Variants in ABHD2 observed in about 807,000 individuals in gnomAD.
ABHD2 encodes monoacylglycerol lipase ABHD2.
A neutral mutation model predicts 48.1 loss-of-function variants in ABHD2; 20 were observed. That is an observed-to-expected ratio of 0.42 (90% CI 0.29 to 0.60). ABHD2 has a LOEUF of 0.60. Among genes scored for constraint, ABHD2 ranks in the 20% least tolerant of loss-of-function variants. The pLI is 0.24. For missense variants in ABHD2, 405 were observed against 550.9 expected (o/e 0.74, Z 2.65); for synonymous variants, 209 against 214.2 (o/e 0.98, Z 0.21).
chr15:89,068,461 G>A, the ABHD2 span, among the ~76,000 whole-genome samples: 1 of 152,126 alleles, frequency 6.6e-6, no homozygotes, highest in Non-Finnish European at 1.5e-5. Flanking sequence ...TCATCCGGAG[G>A]CGTCTTCACC....
chr15:89,080,811 C>T, the ABHD2 span, among the ~76,000 whole-genome samples: 2 of 151,758 alleles, frequency 1.3e-5, no homozygotes, highest in African/African-American at 2.4e-5. Context: ...TCTCCTGCCT[C>T]AGCCTCCCAA....
In ABHD2 at chr15:89,188,148, C is replaced by A; in HGVS notation, c.816-45C>A. 6.4e-7 allele frequency: 1 copy of A among 1,558,422 alleles called. No individual in the cohort carries two copies. The highest frequency in any genetic ancestry group is 1.1e-5 in the South Asian group (1 of 89,612). On this transcript the variant is annotated intron_variant, in intron 7 of 10. Coordinates refer to ENST00000352732, the MANE Select transcript of ABHD2 (RefSeq NM_152924.5). This position sits in a 1 kb window ranked among gnomAD's most constrained non-coding sequence, Gnocchi z 4.1. ...GGAAGCAGGCTATGCCATGGTTGTT[C>A]ATCCTCCACATCTTAATCTCTGTTT... is the stretch of plus-strand genomic sequence containing the variant.
chr15:89,135,697 A>G, intron 3 of ABHD2: 1 of 1,455,692 alleles, frequency 6.9e-7, no homozygotes, highest in Non-Finnish European at 9.5e-7. Flanking sequence ...ATGCAGCAAT[A>G]TCCTTTTCTT....
At chr15:89,108,007 ATTTG>A (rs1452195359) in intron 1 of ABHD2, among the ~76,000 whole-genome samples, 1 of 152,178 alleles carries the variant, frequency 6.6e-6, no homozygotes, top group East Asian at 1.9e-4. Context: ...ACAGAATGCA[ATTTG>A]TATTATGTTA....
the ABHD2 span, among the ~76,000 whole-genome samples, chr15:89,054,413 G>T: frequency 2.8e-4 from 43 of 152,218 alleles, no homozygotes; most frequent in African/African-American, 7.7e-4. Context: ...AGGTGCAGTG[G>T]CTCACGCCTG....
At chr15:89,158,257 G>A (rs1443702278) in intron 5 of ABHD2, among the ~76,000 whole-genome samples, 2 of 152,298 alleles carry the variant, frequency 1.3e-5, no homozygotes, top group East Asian at 3.9e-4. Flanking sequence ...AAGTGATTTG[G>A]GCAAGGGCAC....
chr15:89,179,923 A>G lies in ABHD2; in HGVS notation c.722+3928A>G, dbSNP rs900506566. Among the ~76,000 whole-genome samples, 1 of 152,216 alleles carries G rather than the reference A, an allele frequency of 6.6e-6. No homozygotes were observed. The highest frequency in any genetic ancestry group is 2.4e-5 in the African/African-American group (1 of 41,458). ...CTGCCATGGGGAAGAGGCAGGTACC[A>G]CTTTTCCTGCCAAATGGTGGGGATA... On this transcript the variant is annotated intron_variant, in intron 6 of 10. Coordinates refer to ENST00000352732, the MANE Select transcript of ABHD2 (RefSeq NM_152924.5). This position sits in a 1 kb window ranked among gnomAD's most constrained non-coding sequence, Gnocchi z 4.3.
chr15:89,107,896 T>C (rs1348328103), intron 1 of ABHD2, among the ~76,000 whole-genome samples: 2 of 152,218 alleles, frequency 1.3e-5, no homozygotes, highest in Non-Finnish European at 2.9e-5. Context: ...GTCTGTGTCC[T>C]CTGAGCTCTC....
chr15:89,148,493 T>C (rs1290510673), intron 3 of ABHD2, among the ~76,000 whole-genome samples: 2 of 152,248 alleles, frequency 1.3e-5, no homozygotes, highest in African/African-American at 4.8e-5. Context: ...TCCTTCGTTA[T>C]TGGTGGGAAT....
chr15:89,175,422 T>C lies in ABHD2; in HGVS notation c.539-390T>C, dbSNP rs2050996767. On this transcript the variant is annotated intron_variant, in intron 5 of 10. Transcript: ENST00000352732. The surrounding 1 kb of genome is among the most constrained non-coding windows in gnomAD (Gnocchi z 5.7). ...TCTCACCATTTTGTCCAGGCTGGCC[T>C]AGCTTTTATTTAGGTCTGTGTGTGA... Among the ~76,000 whole-genome samples the C allele has an allele frequency of 6.6e-6, 1 of 152,202 alleles. No homozygotes were observed. The highest frequency in any genetic ancestry group is 2.4e-5 in the African/African-American group (1 of 41,448).
rs1388834687 is a variant in ABHD2, at chr15:89,168,836, G to A, written c.539-6976G>A. The stretch of plus-strand genomic sequence containing the variant: ...CCTGTAATCTCAGCACTTTGGGAAA[G>A]GAAGCCAAGGTGGGCAGACCTCTTG... On this transcript the variant is annotated intron_variant, in intron 5 of 10. Transcript: ENST00000352732. The surrounding 1 kb of genome is among the most constrained non-coding windows in gnomAD (Gnocchi z 4.8). Among the ~76,000 whole-genome samples, 1 of 152,152 alleles carries A rather than the reference G, an allele frequency of 6.6e-6. No homozygotes were observed. The highest frequency in any genetic ancestry group is 1.5e-5 in the Non-Finnish European group (1 of 68,030).
At position 89,201,812 on chromosome 15, in the gene ABHD2, A is replaced by C. The variant is rs1162483459; in HGVS notation, c.*6389A>C. The C allele has an allele frequency of 9.1e-6, 12 of 1,325,632 alleles. No homozygotes were observed. The East Asian group carries it at 2.3e-4, about 25-fold the overall frequency. The allele number at this position is 1,325,632 out of a possible 1,614,324, so 82.1% of individuals were successfully genotyped here. A position where few individuals can be genotyped will look rare whatever the true frequency, so the allele number is the denominator to read the frequency against. On this transcript the variant is annotated 3_prime_UTR_variant, in exon 11 of 11. Coordinates refer to ENST00000352732, the MANE Select transcript of ABHD2 (RefSeq NM_152924.5). ...CGGAGGCAGACGCCATTGGAGAGAC[A>C]GCGCAGAGCAGGGGGCGGCTTGCTC... is the stretch of plus-strand genomic sequence containing the variant.
In ABHD2 at chr15:89,188,528, T is replaced by C. The variant is rs968373647; in HGVS notation, c.926+225T>C. Among the ~76,000 whole-genome samples the C allele has an allele frequency of 2.0e-5, 3 of 152,268 alleles. No homozygotes were observed. Among genetic ancestry groups the C allele is most frequent in the Non-Finnish European group, 2.9e-5 (2 of 68,046 alleles). On this transcript the variant is annotated intron_variant, in intron 8 of 10. Coordinates refer to ENST00000352732, the MANE Select transcript of ABHD2 (RefSeq NM_152924.5). This position sits in a 1 kb window ranked among gnomAD's most constrained non-coding sequence, Gnocchi z 4.1. Reference sequence around the variant, plus strand: ...AGGAAAAGGATCCGACCACTCATTCTGCATTCCTACAAAGCATAGTTAGCT... The same window carrying C: ...AGGAAAAGGATCCGACCACTCATTCCGCATTCCTACAAAGCATAGTTAGCT...
At position 89,114,640 on chromosome 15, in the gene ABHD2, G is replaced by A. The variant is rs1412805550; in HGVS notation, c.-7+816G>A. ...TGGGATTACAGGCATGTGCCACCACGCCCGGCAAATTTTTGTATTTTTGGT... is the reference window on the plus strand; with the variant it reads ...TGGGATTACAGGCATGTGCCACCACACCCGGCAAATTTTTGTATTTTTGGT... On this transcript the variant is annotated intron_variant, in intron 2 of 10. Coordinates refer to ENST00000352732, the MANE Select transcript of ABHD2 (RefSeq NM_152924.5). This position sits in a 1 kb window ranked among gnomAD's most constrained non-coding sequence, Gnocchi z 4.2. Among the ~76,000 whole-genome samples the A allele has an allele frequency of 1.3e-5, 2 of 151,976 alleles. No homozygotes were observed. The highest frequency in any genetic ancestry group is 2.9e-5 in the Non-Finnish European group (2 of 67,996).
chr15:89,061,755 G>A, the ABHD2 span, among the ~76,000 whole-genome samples: 6 of 152,010 alleles, frequency 3.9e-5, no homozygotes, highest in Admixed American at 1.3e-4. Context: ...GTATTTTTCT[G>A]TAGAAACGGG....
chr15:89,191,054 T>G (rs2051295451), intron 8 of ABHD2, 26 bp from the exon 9 acceptor site: 2 of 1,611,052 alleles, frequency 1.2e-6, no homozygotes, highest in African/African-American at 2.7e-5. Flanking sequence ...TCCTTTTTCT[T>G]TTTTTCTTTT....
At chr15:89,158,346 G>C (rs975653038) in intron 5 of ABHD2, among the ~76,000 whole-genome samples, 2 of 152,184 alleles carry the variant, frequency 1.3e-5, no homozygotes, top group African/African-American at 4.8e-5. Flanking sequence ...AGAGTAACTG[G>C]GTCTGTATAG....
At chr15:89,187,487 G>A (rs1289830802) in intron 7 of ABHD2, among the ~76,000 whole-genome samples, 2 of 152,172 alleles carry the variant, frequency 1.3e-5, no homozygotes. Context: ...CTACCGCAGG[G>A]CCATGCCTCA....
chr15:89,048,702 C>T, the ABHD2 span, among the ~76,000 whole-genome samples: 1 of 152,022 alleles, frequency 6.6e-6, no homozygotes, highest in Non-Finnish European at 1.5e-5. Flanking sequence ...GCTCCTGAGG[C>T]TTCTGCATTC....
Sources: allele counts gnomAD v4.1 joint callset (sites outside exome capture counted in the v4.1 genomes callset), GRCh38; gene constraint gnomAD v4.1.1; non-coding constraint Gnocchi (gnomAD v3.1); transcripts MANE v1.5; gene names NCBI Gene and HGNC (gene_info 2026-07-23, HGNC 2026-07-21).